NSMCE2: variants seen among roughly 807,000 people sequenced by gnomAD.
The protein encoded by NSMCE2 is NSE2 SUMO ligase component of SMC5/6 complex, also known as E3 SUMO-protein ligase NSE2.
A neutral mutation model predicts 23.8 loss-of-function variants in NSMCE2; 24 were observed. That is an observed-to-expected ratio of 1.01 (90% CI 0.73 to 1.42). NSMCE2 has a LOEUF of 1.42. Ranked by LOEUF, NSMCE2 falls within the 40% of genes most tolerant of loss-of-function variation. The probability of loss-of-function intolerance (pLI) is 0.00; values close to 1 mark genes in which losing one functional copy is unlikely to be tolerated. For missense variants in NSMCE2, 284 were observed against 296.5 expected (o/e 0.96, Z 0.31); for synonymous variants, 92 against 94.1 (o/e 0.98, Z 0.13).
At chr8:125,100,309 A>G (rs1381482005) in intron 1 of NSMCE2, among the ~76,000 whole-genome samples, 7 of 152,138 alleles carry the variant, frequency 4.6e-5, no homozygotes, top group African/African-American at 1.7e-4. Context: ...TGATTTGTGC[A>G]CTTCATTCCT....
intron 5 of NSMCE2, among the ~76,000 whole-genome samples, chr8:125,291,917 G>T (rs1828121365): frequency 6.6e-6 from 1 of 152,104 alleles, no homozygotes; most frequent in Non-Finnish European, 1.5e-5. Context: ...GATAAAGGGG[G>T]TGTTTGTTCC....
Position 125,119,909 on chromosome 8 carries a change from CATT to C in NSMCE2, c.157+17429_157+17431del, listed in dbSNP as rs1819188282. 3.3e-5 allele frequency among the ~76,000 whole-genome samples: 5 copies of C among 151,888 alleles called. No individual in the cohort carries two copies. The South Asian group carries it at 8.3e-4, about 25-fold the overall frequency. On this transcript the variant is annotated intron_variant, in intron 3 of 7. Transcript: ENST00000287437. ...TAAAGCATTATTTATATATGTAAAGCATTATTATTTATATATGTAAAGCATTAT... is the reference window on the plus strand; with the variant it reads ...TAAAGCATTATTTATATATGTAAAGCATTATTTATATATGTAAAGCATTAT...
chr8:125,360,534 G>T (rs1213023734), intron 7 of NSMCE2, among the ~76,000 whole-genome samples: 1 of 151,800 alleles, frequency 6.6e-6, no homozygotes, highest in African/African-American at 2.4e-5. Flanking sequence ...TCAATCAGCG[G>T]AAGAAGACCC....
intron 5 of NSMCE2, among the ~76,000 whole-genome samples, chr8:125,213,470 A>G (rs570723338): frequency 3.5e-4 from 52 of 150,556 alleles, no homozygotes; most frequent in Non-Finnish European, 6.5e-4. Context: ...ATGGTAGTCT[A>G]CCTAAGGCAC....
intron 5 of NSMCE2, among the ~76,000 whole-genome samples, chr8:125,200,288 G>C (rs542119033): frequency 9.2e-5 from 14 of 152,272 alleles, no homozygotes. Flanking sequence ...TTACAGTTTG[G>C]CATGTTTTTG....
intron 5 of NSMCE2, among the ~76,000 whole-genome samples, chr8:125,352,704 A>T (rs778717889): frequency 6.6e-6 from 1 of 152,196 alleles, no homozygotes; most frequent in Non-Finnish European, 1.5e-5. Context: ...TGATTCTAGT[A>T]GATGATCAAT....
At chr8:125,164,856 A>G (rs935968756) in intron 4 of NSMCE2, among the ~76,000 whole-genome samples, 12 of 152,324 alleles carry the variant, frequency 7.9e-5, no homozygotes, top group East Asian at 7.7e-4. Flanking sequence ...ACATGTCTCC[A>G]GTGCTTGTTA....
intron 5 of NSMCE2, among the ~76,000 whole-genome samples, chr8:125,208,730 T>G (rs1219964608): frequency 6.6e-6 from 1 of 151,968 alleles, no homozygotes; most frequent in Admixed American, 6.6e-5. Flanking sequence ...AGAAAATGAG[T>G]CTTGAACAAG....
chr8:125,253,190 T>C (rs150164776), intron 5 of NSMCE2, among the ~76,000 whole-genome samples: 1 of 152,340 alleles, frequency 6.6e-6, no homozygotes, highest in African/African-American at 2.4e-5. Flanking sequence ...ATATGGAAGT[T>C]TATATACACT....
intron 4 of NSMCE2, among the ~76,000 whole-genome samples, chr8:125,153,132 G>A (rs1821131757): frequency 7.4e-6 from 1 of 134,830 alleles, no homozygotes; most frequent in Non-Finnish European, 1.6e-5. Flanking sequence ...TTAAAAAAAA[G>A]TTTAAAACTT....
chr8:125,112,665 C>A (rs1211640372), intron 3 of NSMCE2, among the ~76,000 whole-genome samples: 1 of 152,076 alleles, frequency 6.6e-6, no homozygotes, highest in Non-Finnish European at 1.5e-5. Flanking sequence ...TGCTTGATCT[C>A]ACTCGTATGT....
At chr8:125,271,047 G>T (rs1310242377) in intron 5 of NSMCE2, 1 of 152,376 alleles carries the variant, frequency 6.6e-6, no homozygotes, top group African/African-American at 2.4e-5. Flanking sequence ...GGATCACGAG[G>T]TCAGGAGTTC....
intron 5 of NSMCE2, among the ~76,000 whole-genome samples, chr8:125,312,586 C>T (rs1829012922): frequency 1.3e-5 from 2 of 152,224 alleles, no homozygotes; most frequent in South Asian, 2.1e-4. Flanking sequence ...GATCACGCCA[C>T]TGCATTCCAG....
Position 125,200,891 on chromosome 8 carries a change from T to A in NSMCE2, c.418+18635T>A, listed in dbSNP as rs1380700021. On this transcript the variant is annotated intron_variant, in intron 5 of 7. Coordinates refer to ENST00000287437, the MANE Select transcript of NSMCE2 (RefSeq NM_173685.4). ...TTCTTTTTACTCTTTTTTCTCTAAC[T>A]TTTCTTCTTGCTTTATTTCATTAAT... Among the ~76,000 whole-genome samples, 3 of 152,198 alleles carry A rather than the reference T, an allele frequency of 2.0e-5. No homozygotes were observed. The East Asian group carries it at 5.8e-4, about 29-fold the overall frequency.
intron 5 of NSMCE2, among the ~76,000 whole-genome samples, chr8:125,201,837 G>A (rs1823892932): frequency 6.6e-6 from 1 of 152,188 alleles, no homozygotes; most frequent in Non-Finnish European, 1.5e-5. Flanking sequence ...GATGAGCTGT[G>A]GTGGGCTCCC....
chr8:125,119,378 G>A (rs1217271455), intron 3 of NSMCE2, among the ~76,000 whole-genome samples: 1 of 152,152 alleles, frequency 6.6e-6, no homozygotes, highest in Non-Finnish European at 1.5e-5. Context: ...TCACTTTTTA[G>A]TTTTTAAAAC....
Position 125,123,876 on chromosome 8 carries a change from C to T in NSMCE2, c.157+21389C>T, listed in dbSNP as rs540374715. Reference sequence around the variant, plus strand: ...TCTAAATCCCATTAGCTTTTTTATTCTTTTATTTGGTGACAATAACAACTT... The same window carrying T: ...TCTAAATCCCATTAGCTTTTTTATTTTTTTATTTGGTGACAATAACAACTT... On this transcript the variant is annotated intron_variant, in intron 3 of 7. Coordinates refer to ENST00000287437, the MANE Select transcript of NSMCE2 (RefSeq NM_173685.4). Among the ~76,000 whole-genome samples, 16 of 152,196 alleles carry T rather than the reference C, an allele frequency of 1.1e-4. No homozygotes were observed. In the East Asian group the frequency reaches 2.1e-3, roughly 20 times the overall value.
chr8:125,264,816 A>G (rs529909377), intron 5 of NSMCE2, among the ~76,000 whole-genome samples: 1 of 152,180 alleles, frequency 6.6e-6, no homozygotes, highest in Non-Finnish European at 1.5e-5. Flanking sequence ...ACTCTTTATA[A>G]AATAATAATA....
rs201130879 is a variant in NSMCE2 at position 125,218,416 on chromosome 8, T to TG, written c.418+36160_418+36161insG. Among the ~76,000 whole-genome samples the TG allele has an allele frequency of 7.1e-4, 91 of 128,622 alleles. No individual in the cohort carries two copies. In the South Asian group the frequency reaches 0.011, roughly 16 times the overall value. The allele number at this position is 128,622 out of a possible 152,430, so 84.4% of individuals were successfully genotyped here. ...TAGCATATTCTGAAAAATTGAGGGTTTTTTTTTTTTTTTGAGACAGAGTCT... is the reference window on the plus strand; with the variant it reads ...TAGCATATTCTGAAAAATTGAGGGTTGTTTTTTTTTTTTTGAGACAGAGTCT... On this transcript the variant is annotated intron_variant, in intron 5 of 7. Transcript: ENST00000287437.
Sources: gnomAD v4.1 joint callset for allele counts (sites outside exome capture counted in the v4.1 genomes callset) on GRCh38, gnomAD v4.1.1 for gene constraint, MANE v1.5 for transcripts, NCBI Gene and HGNC (gene_info 2026-07-23, HGNC 2026-07-21) for gene names.